The following CCDC73 variants were observed in gnomAD, a reference collection of about 807,000 sequenced individuals.
The protein encoded by CCDC73 is coiled-coil domain-containing protein 73.
CCDC73 carries 95 observed loss-of-function variants against 116.5 expected under a neutral mutation model. That is an observed-to-expected ratio of 0.82 (90% CI 0.69 to 0.97). CCDC73 has a LOEUF of 0.97. Among genes scored for constraint, CCDC73 ranks in the 50% least tolerant of loss-of-function variants. The pLI is 0.00. For missense variants in CCDC73, 1,066 were observed against 1,206.8 expected (o/e 0.88, Z 1.73); for synonymous variants, 398 against 401.3 (o/e 0.99, Z 0.10).
At chr11:32,804,572 C>T in the CCDC73 span, among the ~76,000 whole-genome samples, 3 of 152,328 alleles carry the variant, frequency 2.0e-5, no homozygotes, top group South Asian at 6.2e-4. Flanking sequence ...TACCTTTTGC[C>T]TATGGTTTCA....
chr11:32,665,507 C>T (rs1278865695), intron 9 of CCDC73, among the ~76,000 whole-genome samples: 1 of 152,176 alleles, frequency 6.6e-6, no homozygotes, highest in East Asian at 1.9e-4. Context: ...TTTCCATTTG[C>T]TTGGTAGATC....
intron 6 of CCDC73, among the ~76,000 whole-genome samples, chr11:32,697,303 ATATTATACCTATGATAT>A (rs1227130083): frequency 6.9e-6 from 1 of 145,058 alleles, no homozygotes; most frequent in East Asian, 2.7e-4. Context: ...TATGATCATA[ATATTATACCTATGATAT>A]TATTATACCT....
chr11:32,699,535 G>T (rs1849790656), intron 5 of CCDC73, among the ~76,000 whole-genome samples: 1 of 152,080 alleles, frequency 6.6e-6, no homozygotes, highest in African/African-American at 2.4e-5. Flanking sequence ...ATACACCATG[G>T]AATACTATGC....
chr11:32,829,527 G>A, the CCDC73 span, among the ~76,000 whole-genome samples: 1 of 152,218 alleles, frequency 6.6e-6, no homozygotes, highest in Non-Finnish European at 1.5e-5. Context: ...TTTGTCTGAT[G>A]AATATCTTGT....
the CCDC73 span, among the ~76,000 whole-genome samples, chr11:32,824,621 G>A: frequency 0.026 from 3,981 of 152,262 alleles, 64 homozygotes; most frequent in Non-Finnish European, 0.04. Flanking sequence ...GCCAGGTGAG[G>A]TACTAAGCAG....
chr11:32,648,495 T>C (rs1855798582), intron 12 of CCDC73, among the ~76,000 whole-genome samples: 1 of 152,190 alleles, frequency 6.6e-6, no homozygotes, highest in Admixed American at 6.5e-5. Context: ...TGCCAGACAC[T>C]GTTTTAGCTT....
intron 2 of CCDC73, among the ~76,000 whole-genome samples, chr11:32,723,343 A>C (rs977473213): frequency 3.3e-5 from 5 of 152,336 alleles, no homozygotes; most frequent in Admixed American, 6.5e-5. Context: ...ATTAAGAAAG[A>C]GATTTGTGTA....
chr11:32,611,055 C>T lies in CCDC73; in HGVS notation c.3030+77G>A, dbSNP rs902246530. On this transcript the variant is annotated intron_variant, in intron 17 of 17. Coordinates refer to ENST00000335185, the MANE Select transcript of CCDC73 (RefSeq NM_001008391.4). ...GAGATCAGTTAGGTCTTAAAGCATC[C>T]AGATGCGTACAGTTCTACACATATC... is the stretch of plus-strand genomic sequence containing the variant. The T allele has an allele frequency of 5.1e-6, 7 of 1,375,088 alleles. No homozygotes were observed. The African/African-American group carries it at 7.3e-5, about 14-fold the overall frequency. The allele number at this position is 1,375,088 out of a possible 1,614,324, so 85.2% of individuals were successfully genotyped here.
chr11:32,695,032 C>T (rs1032289552), intron 6 of CCDC73, among the ~76,000 whole-genome samples: 3 of 152,158 alleles, frequency 2.0e-5, no homozygotes, highest in Non-Finnish European at 2.9e-5. Flanking sequence ...AACAGTAACA[C>T]AGAAGTGTTC....
intron 13 of CCDC73, among the ~76,000 whole-genome samples, chr11:32,639,236 TAAAGA>T: frequency 6.7e-6 from 1 of 150,038 alleles, no homozygotes; most frequent in South Asian, 2.1e-4. Context: ...CCAGCCCAGC[TAAAGA>T]AAATGATTTA....
intron 6 of CCDC73, among the ~76,000 whole-genome samples, chr11:32,692,910 A>C (rs1052305636): frequency 6.6e-6 from 1 of 152,244 alleles, no homozygotes; most frequent in African/African-American, 2.4e-5. Flanking sequence ...CTCTAAGCAT[A>C]CTGTTTTCAT....
At chr11:32,827,076 G>A in the CCDC73 span, among the ~76,000 whole-genome samples, 2 of 152,182 alleles carry the variant, frequency 1.3e-5, no homozygotes, top group South Asian at 4.1e-4. Context: ...GTGTTGGCCA[G>A]GCTGGTCTCA....
intron 1 of CCDC73, among the ~76,000 whole-genome samples, chr11:32,762,076 G>A (rs938416276): frequency 2.0e-5 from 3 of 152,134 alleles, no homozygotes; most frequent in African/African-American, 2.4e-5. Flanking sequence ...ACATTATGTA[G>A]ACTGCTGTTT....
intron 14 of CCDC73, among the ~76,000 whole-genome samples, chr11:32,632,328 C>A (rs959816714): frequency 8.5e-5 from 13 of 152,136 alleles, no homozygotes; most frequent in African/African-American, 3.1e-4. Flanking sequence ...AAGGCTCAAG[C>A]AATTCTCGTG....
intron 14 of CCDC73, among the ~76,000 whole-genome samples, chr11:32,633,326 T>C (rs917243776): frequency 2.0e-5 from 3 of 152,182 alleles, no homozygotes; most frequent in Non-Finnish European, 4.4e-5. Context: ...GGGGCATCAA[T>C]TTGATCCTAG....
At chr11:32,663,964 T>G (rs2133274267) in intron 9 of CCDC73, among the ~76,000 whole-genome samples, 1 of 152,338 alleles carries the variant, frequency 6.6e-6, no homozygotes, top group East Asian at 1.9e-4. Flanking sequence ...TTGGTTCTGT[T>G]TATATGCTGG....
chr11:32,658,632 G>A (rs976741724), intron 9 of CCDC73, among the ~76,000 whole-genome samples: 1 of 152,140 alleles, frequency 6.6e-6, no homozygotes, highest in Non-Finnish European at 1.5e-5. Flanking sequence ...AGTTAAATCA[G>A]TATCTTAGTA....
intron 4 of CCDC73, among the ~76,000 whole-genome samples, chr11:32,701,998 T>C (rs1849816823): frequency 6.6e-6 from 1 of 152,220 alleles, no homozygotes; most frequent in African/African-American, 2.4e-5. Flanking sequence ...AGATGTGGAC[T>C]TGCTCTTTCC....
chr11:32,814,778 A>T, the CCDC73 span, among the ~76,000 whole-genome samples: 1 of 152,208 alleles, frequency 6.6e-6, no homozygotes, highest in African/African-American at 2.4e-5. Context: ...AAACAGCCCA[A>T]ATGCCCATCA....
Sources: allele counts gnomAD v4.1 joint callset (sites outside exome capture counted in the v4.1 genomes callset), GRCh38; gene constraint gnomAD v4.1.1; transcripts MANE v1.5; gene names NCBI Gene and HGNC (gene_info 2026-07-23, HGNC 2026-07-21).